PNMA8A: variants seen among roughly 807,000 people sequenced by gnomAD.
PNMA8A encodes the protein PNMA family member 8A, also known as paraneoplastic antigen-like protein 8A.
In PNMA8A, 17 loss-of-function variants were observed where a neutral mutation model predicts 26.6. The observed-to-expected ratio is 0.64, with a 90% CI of 0.44 to 0.96. The LOEUF is 0.96. PNMA8A is among the 40% of genes least tolerant of loss of function. The probability of loss-of-function intolerance (pLI) is 0.00; values close to 1 mark genes in which losing one functional copy is unlikely to be tolerated. For missense variants in PNMA8A, 532 were observed against 488.4 expected (o/e 1.09, Z -0.84); for synonymous variants, 224 against 182.0 (o/e 1.23, Z -1.86).
rs745408606 is a variant in PNMA8A, at chr19:46,470,862, C to T, written c.174G>A (p.Lys58=). ...SPLGPYRVLN[K]IFVREENVKA... is the part of the protein sequence containing the mutation. ...TAACATTCTCTTCCCTCACAAAAAT[C>T]TTGTTGAGCACGCGGTACGGGCCCA... The change falls in exon 2 of 3, where the codon AAG becomes AAA. Residue 58 remains lysine (K), a synonymous_variant. Transcript: ENST00000313683. 6.4e-6 allele frequency: 5 copies of T among 781,154 alleles called. No individual in the cohort carries two copies. Among genetic ancestry groups the T allele is most frequent in the Non-Finnish European group, 1.2e-5 (5 of 418,218 alleles). 48.4% of individuals were successfully genotyped at this position (781,154 alleles called of 1,614,324 possible).
rs554785521 is a variant in PNMA8A, at chr19:46,469,914, G to A, written c.1122C>T (p.Tyr374=). Residue 374 remains tyrosine (Y), a synonymous_variant, in exon 2 of 3, where the codon TAC becomes TAT. Coordinates refer to ENST00000313683, the MANE Select transcript of PNMA8A (RefSeq NM_018215.4). ...TGCCATCTTCTGAGTCAACCAAGAC[G>A]TAGGAGACAGGGCCCAAGCTCACCT... ...KKKVSLGPVS[Y]VLVDSEDGRK... The A allele has an allele frequency of 1.7e-5, 27 of 1,614,226 alleles. No individual in the cohort carries two copies. Among genetic ancestry groups the A allele is most frequent in the South Asian group, 8.8e-5 (8 of 91,084 alleles).
intron 2 of PNMA8A, 36 bp downstream of exon 2, chr19:46,469,697 T>C (rs1969754801): frequency 1.3e-6 from 2 of 1,550,432 alleles, no homozygotes; most frequent in South Asian, 2.5e-5. Flanking sequence ...ATCCACTTGC[T>C]GGCACGAGCC....
At position 46,468,423 on chromosome 19, in the gene PNMA8A, C is replaced by T. The variant is rs1360811330; in HGVS notation, c.*138G>A. 4 of 674,282 alleles carry T rather than the reference C, an allele frequency of 5.9e-6. No individual in the cohort carries two copies. The highest frequency in any genetic ancestry group is 2.1e-5 in the South Asian group (1 of 48,738). The allele number at this position is 674,282 out of a possible 1,614,324, so 41.8% of individuals were successfully genotyped here. ...CCCTCCCACCCAAGACCTCACCTAT[C>T]GTTTACCTCAGGGCCAGATCTCTAT... On this transcript the variant is annotated 3_prime_UTR_variant, in exon 3 of 3. Transcript: ENST00000313683.
rs1256246399 is a variant in PNMA8A, at chr19:46,470,698, A to C, written c.338T>G (p.Phe113Cys). The C allele has an allele frequency of 1.8e-6, 2 of 1,113,746 alleles. No homozygotes were observed. Among genetic ancestry groups the C allele is most frequent in the Middle Eastern group, 2.0e-4 (1 of 5,080 alleles). The allele number at this position is 1,113,746 out of a possible 1,614,324, so 69.0% of individuals were successfully genotyped here. A position where few individuals can be genotyped will look rare whatever the true frequency, so the allele number is the denominator to read the frequency against. ...CCAGGTGCGCCCCTCGGCATCCAGG[A>C]ATTCATTCAGATTTTTTAAAAACTC... ...DAEFLKNLNEFLDAEGRTWED... is the reference protein window; with the variant it reads ...DAEFLKNLNECLDAEGRTWED... Residue 113 changes from phenylalanine (F) to cysteine (C), a missense_variant, in exon 2 of 3, where the codon TTC becomes TGC. Phe to Cys is a radical substitution (Grantham distance 205). Coordinates refer to ENST00000313683, the MANE Select transcript of PNMA8A (RefSeq NM_018215.4).
chr19:46,470,633 G>T lies in PNMA8A; in HGVS notation c.403C>A (p.Leu135Met). ...GGGGGCTGATGCTGGTTCTGGGACA[G>T]GGTGGGGTGGTTGAGCTGGAGCAGG... Reference protein sequence around the residue: ...VRLLQLNHPTLSQNQHQPPEN... With the variant: ...VRLLQLNHPTMSQNQHQPPEN... The change falls in exon 2 of 3, where the codon CTG becomes ATG. Residue 135 changes from leucine to methionine, a missense_variant. Transcript: ENST00000313683. The T allele has an allele frequency of 6.3e-7, 1 of 1,591,910 alleles. No individual in the cohort carries two copies. Among genetic ancestry groups the T allele is most frequent in the Non-Finnish European group, 8.6e-7 (1 of 1,159,754 alleles).
rs920158632 is a variant in PNMA8A at position 46,469,964 on chromosome 19, G to A, written c.1072C>T (p.Pro358Ser). ...TTCTTCTTCTTCCTCATGGGAGCGG[G>A]GTTCTTGGCAGACACCCAGGCCACG... ...KAVAWVSAKNPAPMRKKKKVS... is the reference protein window; with the variant it reads ...KAVAWVSAKNSAPMRKKKKVS... The change falls in exon 2 of 3, where the codon CCC becomes TCC. Residue 358 changes from proline (P) to serine (S), a missense_variant. Physicochemically the swap from Pro to Ser is moderately conservative, Grantham distance 74. Coordinates refer to ENST00000313683, the MANE Select transcript of PNMA8A (RefSeq NM_018215.4). 3 of 1,613,076 alleles carry A rather than the reference G, an allele frequency of 1.9e-6. No individual in the cohort carries two copies. The Admixed American group carries it at 5.0e-5, about 27-fold the overall frequency.
rs1331740226 is a variant in PNMA8A, at chr19:46,468,234, G to T, written c.*327C>A. 5.7e-6 allele frequency: 2 copies of T among 351,436 alleles called. No individual in the cohort carries two copies. The highest frequency in any genetic ancestry group is 2.1e-5 in the African/African-American group (1 of 48,766). 21.8% of individuals were successfully genotyped at this position (351,436 alleles called of 1,614,324 possible). ...GGAGAAAAGCTGAACATGGATGAGT[G>T]TAACAGTGACCCTGCTCATGCATAA... On this transcript the variant is annotated 3_prime_UTR_variant, in exon 3 of 3. Transcript: ENST00000313683.
intron 2 of PNMA8A, among the ~76,000 whole-genome samples, 180 bp from the exon 3 acceptor site, chr19:46,468,757 T>A (rs1300938657): frequency 6.6e-6 from 1 of 151,674 alleles, no homozygotes; most frequent in Non-Finnish European, 1.5e-5. Flanking sequence ...TATTAATATT[T>A]TTTTTGGGGG....
At chr19:46,469,469 T>A (rs10421610) in intron 2 of PNMA8A, among the ~76,000 whole-genome samples, 1 of 152,074 alleles carries the variant, frequency 6.6e-6, no homozygotes, top group Non-Finnish European at 1.5e-5. Flanking sequence ...ATGACCACAG[T>A]GACACTCATT....
chr19:46,468,335 AG>A lies in PNMA8A; in HGVS notation c.*225del. Reference sequence around the variant, plus strand: ...CCTCCGAAGAGAAGGTGAGTAGAGAAGGCGGTGAAACGGCAGGCCTGGTAGA... The same window carrying A: ...CCTCCGAAGAGAAGGTGAGTAGAGAAGCGGTGAAACGGCAGGCCTGGTAGA... On this transcript the variant is annotated 3_prime_UTR_variant, in exon 3 of 3. Transcript: ENST00000313683. The A allele has an allele frequency of 2.0e-6, 1 of 505,900 alleles. No individual in the cohort carries two copies. The highest frequency in any genetic ancestry group is 3.6e-6 in the Non-Finnish European group (1 of 279,940). The allele number at this position is 505,900 out of a possible 1,614,324, so 31.3% of individuals were successfully genotyped here. A position where few individuals can be genotyped will look rare whatever the true frequency, so the allele number is the denominator to read the frequency against.
At position 46,469,824 on chromosome 19, in the gene PNMA8A, G is replaced by A. The variant is rs754428298; in HGVS notation, c.1212C>T (p.Ala404=). ...CCTCGGCAGGCTGCTGGCCCCGAGG[G>A]GCCTTCTGATCTGATGCCTCCCTTC... The part of the protein sequence containing the change: ...GSRREASDQK[A]PRGQQPAEAT... Residue 404 remains alanine (A), a synonymous_variant, in exon 2 of 3, where the codon GCC becomes GCT. Coordinates refer to ENST00000313683, the MANE Select transcript of PNMA8A (RefSeq NM_018215.4). 1.9e-6 allele frequency: 3 copies of A among 1,614,224 alleles called. No homozygotes were observed. The highest frequency in any genetic ancestry group is 3.3e-4 in the Middle Eastern group (2 of 6,060).
In PNMA8A at chr19:46,466,764, G is replaced by C. The variant is rs1969712179; in HGVS notation, c.*1797C>G. The C allele has an allele frequency of 6.6e-6, 1 of 152,130 alleles. No individual in the cohort carries two copies. The highest frequency in any genetic ancestry group is 2.4e-5 in the African/African-American group (1 of 41,426). The allele number at this position is 152,130 out of a possible 1,614,324, so 9.4% of individuals were successfully genotyped here. On this transcript the variant is annotated 3_prime_UTR_variant, in exon 3 of 3. Coordinates refer to ENST00000313683, the MANE Select transcript of PNMA8A (RefSeq NM_018215.4). ...GTATTTTTCAGTCAGACTCACTCAGGATTTTGAAATGAATCATCACGAGAA... is the reference window on the plus strand; with the variant it reads ...GTATTTTTCAGTCAGACTCACTCAGCATTTTGAAATGAATCATCACGAGAA...
In PNMA8A at chr19:46,469,744, C is replaced by A; in HGVS notation, c.1292G>T (p.Arg431Leu). 5.0e-6 allele frequency: 8 copies of A among 1,605,444 alleles called. No individual in the cohort carries two copies. The highest frequency in any genetic ancestry group is 6.8e-6 in the Non-Finnish European group (8 of 1,176,992). Residue 431 changes from arginine (R) to leucine (L), a missense_variant, in exon 2 of 3, where the codon CGT becomes CTT. Arg to Leu is a moderately radical substitution (Grantham distance 102, BLOSUM62 -2). Transcript: ENST00000313683. ...GCTATCATTCTCACCATTGGTGGCA[C>A]GCCGAGGAGAGCCTTCTGGCTTGGC... ...PKAKPEGSPRRATNESRKV is the reference protein window; with the variant it reads ...PKAKPEGSPRLATNESRKV
In PNMA8A at chr19:46,467,547, G is replaced by C. The variant is rs1969723413; in HGVS notation, c.*1014C>G. ...ATCTGCCTCAGCCTCCTGAGTAGCT[G>C]GGATTACAGGCGCGCGCCACCACGC... On this transcript the variant is annotated 3_prime_UTR_variant, in exon 3 of 3. Transcript: ENST00000313683. 1 of 152,216 alleles carries C rather than the reference G, an allele frequency of 6.6e-6. No individual in the cohort carries two copies. Among genetic ancestry groups the C allele is most frequent in the African/African-American group, 2.4e-5 (1 of 41,432 alleles). The allele number at this position is 152,216 out of a possible 1,614,324, so 9.4% of individuals were successfully genotyped here.
At position 46,470,092 on chromosome 19, in the gene PNMA8A, G is replaced by A. The variant is rs1226860926; in HGVS notation, c.944C>T (p.Pro315Leu). The change falls in exon 2 of 3, where the codon CCC becomes CTC. Residue 315 changes from proline (P) to leucine (L), a missense_variant. Physicochemically the swap from Pro to Leu is moderately conservative, Grantham distance 98 (BLOSUM62 -3). Transcript: ENST00000313683. Reference sequence around the variant, plus strand: ...CCGGGCATCCTGAGGTGGCTCTCTGGGACCCTTCCAGGCACATTTCGCCAT... The same window carrying A: ...CCGGGCATCCTGAGGTGGCTCTCTGAGACCCTTCCAGGCACATTTCGCCAT... The part of the protein sequence containing the change: ...KPMAKCAWKG[P>L]REPPQDARAE... 3 of 1,598,250 alleles carry A rather than the reference G, an allele frequency of 1.9e-6. No homozygotes were observed. The highest frequency in any genetic ancestry group is 2.3e-5 in the South Asian group (2 of 88,020).
In PNMA8A at chr19:46,468,581, CA is replaced by C; in HGVS notation, c.1304-5del. ...CCAGATCAAACCTTTCTGGATTCTG[CA>C]AATAAATGAGAGAACAGATCAAGAA... On this transcript the variant is annotated splice_polypyrimidine_tract_variant and splice_region_variant and intron_variant, in intron 2 of 2. Coordinates refer to ENST00000313683, the MANE Select transcript of PNMA8A (RefSeq NM_018215.4). 6.2e-7 allele frequency: 1 copy of C among 1,611,066 alleles called. No individual in the cohort carries two copies. Among genetic ancestry groups the C allele is most frequent in the Non-Finnish European group, 8.5e-7 (1 of 1,177,318 alleles).
intron 2 of PNMA8A, 136 bp downstream of exon 2, chr19:46,469,597 C>A (rs1568606772): frequency 1.0e-6 from 1 of 952,542 alleles, no homozygotes; most frequent in Non-Finnish European, 1.5e-6. Context: ...CCACCTCCTG[C>A]CATGCACCAG....
rs1191856441 is a variant in PNMA8A, at chr19:46,467,045, C to T, written c.*1516G>A. ...GATTATAGAACATGCACAGGAATTT[C>T]TTCCACTTCTAACCTCGCTCATCAG... On this transcript the variant is annotated 3_prime_UTR_variant, in exon 3 of 3. Transcript: ENST00000313683. 1.3e-5 allele frequency: 2 copies of T among 152,194 alleles called. No homozygotes were observed. Among genetic ancestry groups the T allele is most frequent in the African/African-American group, 2.4e-5 (1 of 41,454 alleles). 9.4% of individuals were successfully genotyped at this position (152,194 alleles called of 1,614,324 possible). A position where few individuals can be genotyped will look rare whatever the true frequency, so the allele number is the denominator to read the frequency against.
Position 46,470,667 on chromosome 19 carries a change from A to T in PNMA8A, c.369T>A (p.Asp123Glu). 2 of 1,375,562 alleles carry T rather than the reference A, an allele frequency of 1.5e-6. No individual in the cohort carries two copies. The highest frequency in any genetic ancestry group is 2.1e-6 in the Non-Finnish European group (2 of 962,080). 85.2% of individuals were successfully genotyped at this position (1,375,562 alleles called of 1,614,324 possible). The part of the protein sequence containing the change: ...FLDAEGRTWE[D>E]VVRLLQLNHP... ...GGTTGAGCTGGAGCAGGCGGACCAC[A>T]TCCTCCCAGGTGCGCCCCTCGGCAT... The change falls in exon 2 of 3, where the codon GAT (aspartate) becomes GAA (glutamate). Residue 123 changes from aspartate (D) to glutamate (E), a missense_variant. Coordinates refer to ENST00000313683, the MANE Select transcript of PNMA8A (RefSeq NM_018215.4).
Sources: allele counts gnomAD v4.1 joint callset (sites outside exome capture counted in the v4.1 genomes callset), GRCh38; gene constraint gnomAD v4.1.1; transcripts MANE v1.5; gene names NCBI Gene and HGNC (gene_info 2026-07-23, HGNC 2026-07-21).